The following GRHL2 variants were observed in gnomAD, a reference collection of about 807,000 sequenced individuals.
GRHL2 encodes grainyhead like transcription factor 2.
Under a neutral mutation model 83.8 loss-of-function variants are expected in GRHL2, and 21 were observed. That is an observed-to-expected ratio of 0.25 (90% CI 0.18 to 0.36). The LOEUF (loss-of-function observed/expected upper bound fraction) is 0.36. GRHL2 is among the 10% of genes least tolerant of loss of function. The pLI is 1.00. For synonymous variants in GRHL2, 280 were observed against 278.9 expected (o/e 1.00, Z -0.04); for missense variants, 623 against 781.8 (o/e 0.80, Z 2.42).
chr8:101,605,673 C>T (rs1812618567), intron 8 of GRHL2, among the ~76,000 whole-genome samples: 1 of 152,228 alleles, frequency 6.6e-6, no homozygotes. Context: ...CCTGGTACAT[C>T]ACCTGTCCAT....
At chr8:101,660,015 A>G (rs1813884808) in intron 14 of GRHL2, among the ~76,000 whole-genome samples, 2 of 152,186 alleles carry the variant, frequency 1.3e-5, no homozygotes, top group African/African-American at 4.8e-5. Context: ...TTACCTAACC[A>G]TCTACTAGAT....
chr8:101,663,633 A>AGAAAT (rs1813974615), intron 14 of GRHL2, among the ~76,000 whole-genome samples: 1 of 147,628 alleles, frequency 6.8e-6, no homozygotes, highest in Admixed American at 6.8e-5. Flanking sequence ...AAATAAATAA[A>AGAAAT]TAAATAAATA....
At chr8:101,600,877 A>T (rs955560400) in intron 8 of GRHL2, among the ~76,000 whole-genome samples, 1 of 152,134 alleles carries the variant, frequency 6.6e-6, no homozygotes, top group African/African-American at 2.4e-5. Flanking sequence ...ATGTTAAAGG[A>T]CCAGGCATGG....
Position 101,573,802 on chromosome 8 carries a change from G to A in GRHL2, c.869G>A (p.Arg290Gln), listed in dbSNP as rs375445375. Reference sequence around the variant, plus strand: ...GAGACCGGAGACAACAAATGCTTCCGACACCCCATCAGCAAAGTCAGGGTA... The same window carrying A: ...GAGACCGGAGACAACAAATGCTTCCAACACCCCATCAGCAAAGTCAGGGTA... ...LSETGDNKCF[R>Q]HPISKVRSVV... The change falls in exon 6 of 16, where the codon CGA (arginine) becomes CAA (glutamine). Residue 290 changes from arginine to glutamine, a missense_variant. Coordinates refer to ENST00000646743, the MANE Select transcript of GRHL2 (RefSeq NM_024915.4). 1.1e-5 allele frequency: 17 copies of A among 1,614,004 alleles called. No homozygotes were observed. Among genetic ancestry groups the A allele is most frequent in the Admixed American group, 8.3e-5 (5 of 60,000 alleles).
chr8:101,610,786 G>A (rs80072932), intron 8 of GRHL2, among the ~76,000 whole-genome samples: 1,658 of 150,844 alleles, frequency 0.011, 71 homozygotes, highest in South Asian at 0.1. Flanking sequence ...CTTTACTCTC[G>A]TTATAATCGA....
intron 8 of GRHL2, among the ~76,000 whole-genome samples, chr8:101,612,348 C>T (rs1027382328): frequency 1.3e-5 from 2 of 150,818 alleles, no homozygotes; most frequent in East Asian, 1.9e-4. Flanking sequence ...TATCTAATTA[C>T]GTACCTTCTA....
At chr8:101,615,501 G>A (rs1812836896) in intron 8 of GRHL2, among the ~76,000 whole-genome samples, 1 of 152,150 alleles carries the variant, frequency 6.6e-6, no homozygotes, top group South Asian at 2.1e-4. Flanking sequence ...ATGAGGGAGT[G>A]GAAAATAACC....
At chr8:101,618,519 C>A (rs912959989) in intron 8 of GRHL2, among the ~76,000 whole-genome samples, 1 of 152,018 alleles carries the variant, frequency 6.6e-6, no homozygotes, top group Non-Finnish European at 1.5e-5. Flanking sequence ...TACATTTTGT[C>A]CTGCAGGGAG....
At chr8:101,680,080 A>G in the GRHL2 span, among the ~76,000 whole-genome samples, 4 of 119,626 alleles carry the variant, frequency 3.3e-5, 1 homozygote, top group Non-Finnish European at 6.9e-5. Flanking sequence ...TAACAATATT[A>G]ACCTTAAATG....
At chr8:101,610,401 T>A (rs1404216911) in intron 8 of GRHL2, among the ~76,000 whole-genome samples, 5 of 150,600 alleles carry the variant, frequency 3.3e-5, no homozygotes, top group Admixed American at 3.3e-4. Flanking sequence ...GGGCTTGAAC[T>A]GGGGGACCCT....
rs116074768 is a variant in GRHL2, at chr8:101,530,530, A to G, written c.21-12711A>G. Among the ~76,000 whole-genome samples, 309 of 152,256 alleles carry G rather than the reference A, an allele frequency of 2.0e-3. 3 individuals are homozygous for G. Among genetic ancestry groups the G allele is most frequent in the African/African-American group, 7.1e-3 (297 of 41,558 alleles). The stretch of plus-strand genomic sequence containing the variant: ...CTTATTTCCCAATTCTTTAATCTAT[A>G]TTTCTGTTACATGAATCATTTGCTA... On this transcript the variant is annotated intron_variant, in intron 1 of 15. Coordinates refer to ENST00000646743, the MANE Select transcript of GRHL2 (RefSeq NM_024915.4).
chr8:101,531,604 T>C (rs1212577716), intron 1 of GRHL2, among the ~76,000 whole-genome samples: 1 of 152,164 alleles, frequency 6.6e-6, no homozygotes, highest in African/African-American at 2.4e-5. Flanking sequence ...TTTTAGTCAT[T>C]TCATAAGTTG....
At chr8:101,493,362 T>C (rs1380347701) in intron 1 of GRHL2, among the ~76,000 whole-genome samples, 2 of 152,146 alleles carry the variant, frequency 1.3e-5, no homozygotes, top group East Asian at 3.9e-4. Flanking sequence ...GGCGAGGCGC[T>C]GGGAGGCCGG....
At chr8:101,639,831 C>A (rs942322932) in intron 12 of GRHL2, among the ~76,000 whole-genome samples, 4 of 152,258 alleles carry the variant, frequency 2.6e-5, no homozygotes, top group African/African-American at 9.6e-5. Flanking sequence ...ATCAGGACTG[C>A]TCATTGGCCA....
At chr8:101,641,948 A>G (rs1813410333) in intron 12 of GRHL2, among the ~76,000 whole-genome samples, 1 of 152,176 alleles carries the variant, frequency 6.6e-6, no homozygotes, top group African/African-American at 2.4e-5. Flanking sequence ...TAATTGATAT[A>G]CTGTATTGTT....
At chr8:101,656,901 C>G (rs1266714865) in intron 14 of GRHL2, among the ~76,000 whole-genome samples, 1 of 149,120 alleles carries the variant, frequency 6.7e-6, no homozygotes, top group Non-Finnish European at 1.5e-5. Context: ...CACACACACA[C>G]ACACAGGCAA....
chr8:101,678,621 TG>T, the GRHL2 span, among the ~76,000 whole-genome samples: 3 of 150,872 alleles, frequency 2.0e-5, no homozygotes, highest in South Asian at 6.4e-4. Flanking sequence ...GCTCCACCTC[TG>T]GGGGCAGGGC....
intron 4 of GRHL2, among the ~76,000 whole-genome samples, chr8:101,564,586 A>T (rs1811675325): frequency 6.6e-6 from 1 of 151,892 alleles, no homozygotes; most frequent in Non-Finnish European, 1.5e-5. Context: ...CGGGAGGATC[A>T]TTTGAGCCCA....
intron 14 of GRHL2, among the ~76,000 whole-genome samples, chr8:101,662,600 T>G (rs1226204317): frequency 6.6e-6 from 1 of 152,206 alleles, no homozygotes; most frequent in Non-Finnish European, 1.5e-5. Context: ...CCCCACCAGC[T>G]GCTGGGCTCA....
Sources: allele counts gnomAD v4.1 joint callset (sites outside exome capture counted in the v4.1 genomes callset), GRCh38; gene constraint gnomAD v4.1.1; transcripts MANE v1.5; gene names NCBI Gene and HGNC (gene_info 2026-07-23, HGNC 2026-07-21).